SLA2: variants seen among roughly 807,000 people sequenced by gnomAD.
SLA2 encodes the protein Src like adaptor 2.
A neutral mutation model predicts 27.3 loss-of-function variants in SLA2; 22 were observed. The ratio of observed to expected loss-of-function variants is 0.81; its 90% CI spans 0.58 to 1.15. The LOEUF (loss-of-function observed/expected upper bound fraction) is 1.15. Ranked by LOEUF, SLA2 falls within the 50% of genes most tolerant of loss-of-function variation. The probability of loss-of-function intolerance (pLI) is 0.00; values close to 1 mark genes in which losing one functional copy is unlikely to be tolerated. For missense variants in SLA2, 304 were observed against 322.2 expected, an observed-to-expected ratio of 0.94 and a Z score of 0.43; for synonymous variants, 131 against 137.8, an observed-to-expected ratio of 0.95 and a Z score of 0.34.
chr20:36,616,772 C>T (rs990480705), intron 5 of SLA2, among the ~76,000 whole-genome samples: 34 of 152,210 alleles, frequency 2.2e-4, no homozygotes, highest in African/African-American at 5.3e-4. Flanking sequence ...TGAACCACCC[C>T]GTGCCTGGCC....
intron 5 of SLA2, among the ~76,000 whole-genome samples, chr20:36,624,849 T>C (rs1337939662): frequency 6.6e-6 from 1 of 152,172 alleles, no homozygotes; most frequent in Non-Finnish European, 1.5e-5. Context: ...ACAGGTCCAG[T>C]TGACTGACAG....
At chr20:36,630,483 T>G (rs1218429425) in intron 5 of SLA2, among the ~76,000 whole-genome samples, 1 of 152,208 alleles carries the variant, frequency 6.6e-6, no homozygotes, top group African/African-American at 2.4e-5. Flanking sequence ...GTTGCTATGC[T>G]TGCAGTGCCA....
chr20:36,614,572 C>A, intron 6 of SLA2, 135 bp from the exon 7 acceptor site: 1 of 1,448,746 alleles, frequency 6.9e-7, no homozygotes, highest in Non-Finnish European at 9.0e-7. Flanking sequence ...GAGCCCCAAG[C>A]TATTGGTTTC....
chr20:36,626,558 A>G (rs1848481020), intron 5 of SLA2, among the ~76,000 whole-genome samples: 1 of 151,140 alleles, frequency 6.6e-6, no homozygotes, highest in African/African-American at 2.4e-5. Flanking sequence ...TGTCTTAAAA[A>G]AAAAAAAGTC....
rs536100941 is a variant in SLA2, at chr20:36,617,005, G to A, written c.383-1631C>T. 1.7e-4 allele frequency among the ~76,000 whole-genome samples: 25 copies of A among 150,832 alleles called. No homozygotes were observed. The South Asian group carries it at 5.0e-3, about 30-fold the overall frequency. On this transcript the variant is annotated intron_variant, in intron 5 of 7. Coordinates refer to ENST00000262866, the MANE Select transcript of SLA2 (RefSeq NM_032214.4). ...GCAGAGGTTGCAGTGAGCCGAGATT[G>A]TGCCACTGCAGTCCAGCCTTGGCAA...
chr20:36,615,896 A>G (rs1209717161), intron 5 of SLA2, among the ~76,000 whole-genome samples: 1 of 152,222 alleles, frequency 6.6e-6, no homozygotes, highest in Non-Finnish European at 1.5e-5. Context: ...TAAAAGTCAA[A>G]AACGGCAAAC....
chr20:36,614,520 G>C (rs1484780437), intron 6 of SLA2, 83 bp from the exon 7 acceptor site: 1 of 1,510,870 alleles, frequency 6.6e-7, no homozygotes, highest in African/African-American at 1.4e-5. Context: ...GCCCTCTGCA[G>C]TTGGCAGGAG....
intron 6 of SLA2, 132 bp downstream of exon 6, chr20:36,615,093 C>T (rs953166225): frequency 1.9e-5 from 28 of 1,482,512 alleles, no homozygotes; most frequent in Admixed American, 2.3e-5. Flanking sequence ...TAGGGACTGG[C>T]GTGAAAATAG....
intron 1 of SLA2, among the ~76,000 whole-genome samples, chr20:36,645,043 A>T (rs1978286792): frequency 1.3e-5 from 2 of 151,784 alleles, no homozygotes; most frequent in Non-Finnish European, 2.9e-5. Flanking sequence ...CAGTGGGGGT[A>T]AGAGTGATGA....
chr20:36,622,742 A>T (rs2039297570), intron 5 of SLA2, among the ~76,000 whole-genome samples: 1 of 152,022 alleles, frequency 6.6e-6, no homozygotes, highest in Non-Finnish European at 1.5e-5. Context: ...TCCTGTCTCT[A>T]ACTCTCACCC....
In SLA2 at chr20:36,634,488, A is replaced by C; in HGVS notation, c.191+2T>G. On this transcript the variant is annotated splice_donor_variant, in intron 3 of 7. Transcript: ENST00000262866. LOFTEE classifies it high-confidence loss of function. ...TCAGGTATCCAGTGCCCATGGACTTACTCAGAGACGATGGTCAATGGCTCC... is the reference window on the plus strand; with the variant it reads ...TCAGGTATCCAGTGCCCATGGACTTCCTCAGAGACGATGGTCAATGGCTCC... The C allele has an allele frequency of 6.2e-7, 1 of 1,605,152 alleles. No individual in the cohort carries two copies. The highest frequency in any genetic ancestry group is 8.5e-7 in the Non-Finnish European group (1 of 1,174,078).
chr20:36,637,233 C>T lies in SLA2; in HGVS notation c.92-2644G>A, dbSNP rs553335213. 1.3e-4 allele frequency among the ~76,000 whole-genome samples: 17 copies of T among 128,636 alleles called. No homozygotes were observed. The East Asian group carries it at 3.1e-3, about 23-fold the overall frequency. 84.4% of individuals were successfully genotyped at this position (128,636 alleles called of 152,430 possible). A position where few individuals can be genotyped will look rare whatever the true frequency, so the allele number is the denominator to read the frequency against. On this transcript the variant is annotated intron_variant, in intron 2 of 7. Transcript: ENST00000262866. ...TTTTTTTTTTTTGGAGACGGAGTCT[C>T]GCTCTGTCGCCCAGGCTGGAGTGCA...
intron 5 of SLA2, among the ~76,000 whole-genome samples, chr20:36,623,574 T>C (rs940196271): frequency 6.6e-6 from 1 of 152,188 alleles, no homozygotes; most frequent in Non-Finnish European, 1.5e-5. Context: ...CTTTGAGAAG[T>C]GTATTGACCC....
At chr20:36,614,223 C>T in intron 7 of SLA2, 82 bp downstream of exon 7, 1 of 1,605,022 alleles carries the variant, frequency 6.2e-7, no homozygotes, top group Non-Finnish European at 8.5e-7. Flanking sequence ...GTGACAGGTA[C>T]ATTCCGGGTT....
At position 36,612,582 on chromosome 20, in the gene SLA2, C is replaced by G. The variant is rs1342901100; in HGVS notation, c.*1284G>C. The G allele has an allele frequency of 3.5e-6, 1 of 287,812 alleles. No individual in the cohort carries two copies. Among genetic ancestry groups the G allele is most frequent in the Non-Finnish European group, 6.8e-6 (1 of 146,266 alleles). The allele number at this position is 287,812 out of a possible 1,614,324, so 17.8% of individuals were successfully genotyped here. The stretch of plus-strand genomic sequence containing the variant: ...ACCTGTTGATGATACCTGATAAAGC[C>G]TTTCCCACCCCACCTGTAGCTTGGG... On this transcript the variant is annotated 3_prime_UTR_variant, in exon 8 of 8. Coordinates refer to ENST00000262866, the MANE Select transcript of SLA2 (RefSeq NM_032214.4).
At chr20:36,642,302 G>A (rs1213285663) in intron 1 of SLA2, among the ~76,000 whole-genome samples, 2 of 116,638 alleles carry the variant, frequency 1.7e-5, no homozygotes, top group Non-Finnish European at 3.7e-5. Context: ...TGAAAAATGG[G>A]GATAACAACA....
intron 4 of SLA2, among the ~76,000 whole-genome samples, chr20:36,633,014 AC>A (rs2039407858): frequency 6.6e-6 from 1 of 152,062 alleles, no homozygotes; most frequent in African/African-American, 2.4e-5. Context: ...TCCCCAAAGC[AC>A]CCTGATTCTA....
intron 5 of SLA2, among the ~76,000 whole-genome samples, chr20:36,617,351 C>T (rs765996338): frequency 2.5e-4 from 38 of 151,306 alleles, no homozygotes; most frequent in East Asian, 3.9e-4. Flanking sequence ...GGCAACAGAG[C>T]GAGACTCCAT....
At chr20:36,621,023 G>T (rs2039276466) in intron 5 of SLA2, 3 of 363,228 alleles carry the variant, frequency 8.3e-6, no homozygotes, top group Admixed American at 6.3e-5. Flanking sequence ...GGTAATTTTG[G>T]CTGCAGTGGA....
Sources: allele counts gnomAD v4.1 joint callset (sites outside exome capture counted in the v4.1 genomes callset), GRCh38; gene constraint gnomAD v4.1.1; transcripts MANE v1.5; gene names NCBI Gene and HGNC (gene_info 2026-07-23, HGNC 2026-07-21).